YY1: variants seen among roughly 807,000 people sequenced by gnomAD.
YY1 encodes YY1 transcription factor.
In YY1, 2 loss-of-function variants were observed where a neutral mutation model predicts 35.6. The observed-to-expected ratio is 0.06, with a 90% CI of 0.02 to 0.18. The LOEUF (loss-of-function observed/expected upper bound fraction) is 0.18. YY1 is among the 10% of genes least tolerant of loss of function. YY1 has a pLI of 1.00. For synonymous variants in YY1, 268 were observed against 238.9 expected (o/e 1.12, Z -1.12); for missense variants, 322 against 573.4 (o/e 0.56, Z 4.48).
intron 1 of YY1, among the ~76,000 whole-genome samples, chr14:100,251,061 T>G (rs1000374958): frequency 6.6e-6 from 1 of 152,020 alleles, no homozygotes; most frequent in Non-Finnish European, 1.5e-5. Flanking sequence ...ATTGACTAAC[T>G]GGTTGACTGG....
Position 100,281,061 on chromosome 14 carries a change from C to CAAAAAAA in YY1, c.*3481_*3487dup, listed in dbSNP as rs36009825. 9.9e-6 allele frequency: 1 copy of CAAAAAAA among 100,882 alleles called. No individual in the cohort carries two copies. Among genetic ancestry groups the CAAAAAAA allele is most frequent in the African/African-American group, 4.9e-5 (1 of 20,574 alleles). 6.2% of individuals were successfully genotyped at this position (100,882 alleles called of 1,614,324 possible). A position where few individuals can be genotyped will look rare whatever the true frequency, so the allele number is the denominator to read the frequency against. On this transcript the variant is annotated 3_prime_UTR_variant, in exon 5 of 5. Coordinates refer to ENST00000262238, the MANE Select transcript of YY1 (RefSeq NM_003403.5). ...GGTGACAGAGCAAGACTCCGTCTCC[C>CAAAAAAA]AAAAAAAAAAAAAAAAAAAAAAAAA... is the stretch of plus-strand genomic sequence containing the variant.
At chr14:100,250,268 A>G (rs1433467492) in intron 1 of YY1, among the ~76,000 whole-genome samples, 4 of 152,164 alleles carry the variant, frequency 2.6e-5, no homozygotes, top group South Asian at 2.1e-4. Context: ...GAAACAACCT[A>G]TGTCTGATTT....
Position 100,239,466 on chromosome 14 carries a change from C to CCAT in YY1, c.225_227dup (p.His80dup). 1 of 1,598,118 alleles carries CCAT rather than the reference C, an allele frequency of 6.3e-7. No homozygotes were observed. The highest frequency in any genetic ancestry group is 8.5e-7 in the Non-Finnish European group (1 of 1,173,974). Reference sequence around the variant, plus strand: ...GGCACGCCGGCCACCACCACCACCACCATCACCACCACCACCACCCGCCCA... The same window carrying CCAT: ...GGCACGCCGGCCACCACCACCACCACCATCATCACCACCACCACCACCCGCCCA... On this transcript the variant is annotated inframe_insertion, in exon 1 of 5. Coordinates refer to ENST00000262238, the MANE Select transcript of YY1 (RefSeq NM_003403.5).
intron 3 of YY1, among the ~76,000 whole-genome samples, chr14:100,275,181 G>C (rs1437330548): frequency 6.6e-6 from 1 of 152,158 alleles, no homozygotes; most frequent in African/African-American, 2.4e-5. Flanking sequence ...GCACTTAATT[G>C]TTTTCAAATG....
rs78077282 is a variant in YY1, at chr14:100,275,389, C to T, written c.903+631C>T. ...TCGGAGCAGGCTACATTTAGTTTCA[C>T]GGTCTCTTCCCTGTAATGACTGTGC... On this transcript the variant is annotated intron_variant, in intron 3 of 4. Coordinates refer to ENST00000262238, the MANE Select transcript of YY1 (RefSeq NM_003403.5). Among the ~76,000 whole-genome samples the T allele has an allele frequency of 7.2e-3, 1,100 of 152,252 alleles. 13 individuals carry two copies. The highest frequency in any genetic ancestry group is 0.025 in the African/African-American group (1,055 of 41,546).
chr14:100,279,491 G>A lies in YY1; in HGVS notation c.*1891G>A, dbSNP rs1241062505. Reference sequence around the variant, plus strand: ...CCTTTAAAAAATTCATCCAGAATCTGTTACCCCTTGGGTAGTTTGATGGAA... The same window carrying A: ...CCTTTAAAAAATTCATCCAGAATCTATTACCCCTTGGGTAGTTTGATGGAA... On this transcript the variant is annotated 3_prime_UTR_variant, in exon 5 of 5. Transcript: ENST00000262238. The A allele has an allele frequency of 6.6e-6, 1 of 152,226 alleles. No homozygotes were observed. The highest frequency in any genetic ancestry group is 1.5e-5 in the Non-Finnish European group (1 of 68,044). The allele number at this position is 152,226 out of a possible 1,614,324, so 9.4% of individuals were successfully genotyped here. A position where few individuals can be genotyped will look rare whatever the true frequency, so the allele number is the denominator to read the frequency against.
chr14:100,242,222 C>T (rs1375787910), intron 1 of YY1, among the ~76,000 whole-genome samples: 2 of 152,052 alleles, frequency 1.3e-5, no homozygotes, highest in Non-Finnish European at 2.9e-5. Context: ...TTTCCACATC[C>T]AGAGAAGCTG....
At position 100,239,730 on chromosome 14, in the gene YY1, CGGCTCG is replaced by C; in HGVS notation, c.487_492del (p.Gly163_Ser164del). 1 of 1,592,742 alleles carries C rather than the reference CGGCTCG, an allele frequency of 6.3e-7. No homozygotes were observed. ...CGGCGGCCGGCAAGAGCGGCGGCGG[CGGCTCG>C]TCGTCGTCGGGAGGCGGCCGCGTCA... On this transcript the variant is annotated inframe_deletion, in exon 1 of 5. Transcript: ENST00000262238.
chr14:100,252,644 G>A (rs1352760423), intron 1 of YY1, among the ~76,000 whole-genome samples: 1 of 152,170 alleles, frequency 6.6e-6, no homozygotes, highest in African/African-American at 2.4e-5. Flanking sequence ...TGTATTCTCA[G>A]CTTTTTCCAA....
At chr14:100,244,959 CAG>C (rs1330085461) in intron 1 of YY1, among the ~76,000 whole-genome samples, 1 of 150,768 alleles carries the variant, frequency 6.6e-6, no homozygotes, top group Non-Finnish European at 1.5e-5. Flanking sequence ...TTTTTTGAGA[CAG>C]AATCTCGCTC....
chr14:100,239,373 G>T lies in YY1; in HGVS notation c.129G>T (p.Glu43Asp). The T allele has an allele frequency of 7.0e-7, 1 of 1,432,494 alleles. No homozygotes were observed. 88.7% of individuals were successfully genotyped at this position (1,432,494 alleles called of 1,614,324 possible). Residue 43 changes from glutamate to aspartate, a missense_variant, in exon 1 of 5, where the codon GAG becomes GAT. Glu to Asp is a conservative substitution (Grantham distance 45, BLOSUM62 2). This residue lies in a region of YY1 where 137 missense variants were observed against 167.0 expected (regional missense o/e 0.82). Transcript: ENST00000262238. ...VETIETTVVG[E>D]EEEEDDDDED... ...CCATCGAGACCACAGTGGTGGGCGA[G>T]GAGGAGGAGGAGGACGACGACGACG...
chr14:100,266,207 G>A (rs1423162056), intron 2 of YY1, among the ~76,000 whole-genome samples: 4 of 152,156 alleles, frequency 2.6e-5, no homozygotes, highest in Admixed American at 2.0e-4. Context: ...GGAATCCTGG[G>A]AGATAGAATT....
intron 2 of YY1, among the ~76,000 whole-genome samples, chr14:100,266,418 G>A (rs1197583216): frequency 6.6e-6 from 1 of 152,170 alleles, no homozygotes; most frequent in African/African-American, 2.4e-5. Context: ...TGAAGAGAGA[G>A]GGAATCTATG....
chr14:100,260,225 C>T (rs145603130), intron 1 of YY1, among the ~76,000 whole-genome samples: 2,897 of 151,888 alleles, frequency 0.019, 107 homozygotes, highest in African/African-American at 0.066. Flanking sequence ...TACAGGCGCC[C>T]GCCACCACAC....
intron 1 of YY1, among the ~76,000 whole-genome samples, chr14:100,249,987 G>A (rs1890900547): frequency 6.6e-6 from 1 of 152,076 alleles, no homozygotes; most frequent in African/African-American, 2.4e-5. Context: ...TGGTCAGGCT[G>A]GTCTCGAACT....
At chr14:100,254,706 C>T (rs139380398) in intron 1 of YY1, among the ~76,000 whole-genome samples, 1,592 of 152,052 alleles carry the variant, frequency 0.01, 30 homozygotes, top group African/African-American at 0.036. Flanking sequence ...ATCAGCCCAC[C>T]TTGGCCTCCC....
chr14:100,254,751 C>T (rs1169659614), intron 1 of YY1, among the ~76,000 whole-genome samples: 1 of 150,322 alleles, frequency 6.7e-6, no homozygotes, highest in Admixed American at 6.7e-5. Context: ...GCCACCATGC[C>T]TAGCCTATTT....
chr14:100,255,525 A>T (rs1408006597), intron 1 of YY1, among the ~76,000 whole-genome samples: 1 of 152,182 alleles, frequency 6.6e-6, no homozygotes, highest in Non-Finnish European at 1.5e-5. Context: ...AGGCTGAGGC[A>T]GGAGAATCAC....
At chr14:100,259,881 A>G (rs569740898) in intron 1 of YY1, among the ~76,000 whole-genome samples, 271 of 152,336 alleles carry the variant, frequency 1.8e-3, no homozygotes, top group African/African-American at 6.5e-3. Flanking sequence ...CCAGATTGAA[A>G]TAATTTACAG....
Sources: gnomAD v4.1 joint callset for allele counts (sites outside exome capture counted in the v4.1 genomes callset) on GRCh38, gnomAD v4.1.1 for gene constraint, gnomAD v4.1.1 regional missense constraint, MANE v1.5 for transcripts, NCBI Gene and HGNC (gene_info 2026-07-23, HGNC 2026-07-21) for gene names.